PCSK2: variants seen among roughly 807,000 people sequenced by gnomAD.
The protein encoded by PCSK2 is neuroendocrine convertase 2.
A neutral mutation model predicts 69.7 loss-of-function variants in PCSK2; 14 were observed. That is an observed-to-expected ratio of 0.20 (90% CI 0.13 to 0.31). PCSK2 has a LOEUF of 0.31. Among genes scored for constraint, PCSK2 ranks in the 10% least tolerant of loss-of-function variants. The probability of loss-of-function intolerance (pLI) is 1.00; values close to 1 mark genes in which losing one functional copy is unlikely to be tolerated. For missense variants in PCSK2, 544 were observed against 842.5 expected (o/e 0.65, Z 4.39); for synonymous variants, 307 against 320.7 (o/e 0.96, Z 0.46).
intron 10 of PCSK2, among the ~76,000 whole-genome samples, chr20:17,462,039 A>G (rs1299427720): frequency 6.6e-6 from 1 of 152,170 alleles, no homozygotes; most frequent in Non-Finnish European, 1.5e-5. Flanking sequence ...TTTCCTGATG[A>G]TCAGAATCCT....
intron 4 of PCSK2, among the ~76,000 whole-genome samples, chr20:17,366,162 G>A (rs6080661): frequency 0.18 from 26,628 of 152,120 alleles, 3,302 homozygotes; most frequent in East Asian, 0.51. Context: ...GACATGCTAC[G>A]CATCTCAAGT....
chr20:17,254,102 C>A (rs1053676874), intron 1 of PCSK2, among the ~76,000 whole-genome samples: 1 of 152,034 alleles, frequency 6.6e-6, no homozygotes, highest in Admixed American at 6.6e-5. Context: ...TAAAACATTC[C>A]TGTGCGAGAT....
At chr20:17,260,954 T>A (rs185364986) in intron 2 of PCSK2, among the ~76,000 whole-genome samples, 29 of 152,312 alleles carry the variant, frequency 1.9e-4, no homozygotes, top group Non-Finnish European at 3.7e-4. Context: ...CTTCAGTCTT[T>A]ACCTTGCTCT....
At chr20:17,294,423 G>A (rs1988819930) in intron 2 of PCSK2, among the ~76,000 whole-genome samples, 1 of 152,138 alleles carries the variant, frequency 6.6e-6, no homozygotes, top group South Asian at 2.1e-4. Context: ...CTCATTTTAA[G>A]GCCTGCGTAT....
At chr20:17,370,824 A>T (rs1265343867) in intron 5 of PCSK2, among the ~76,000 whole-genome samples, 1 of 152,036 alleles carries the variant, frequency 6.6e-6, no homozygotes, top group African/African-American at 2.4e-5. Flanking sequence ...GGCCCTGGAG[A>T]TGTGTCAGGC....
chr20:17,246,579 A>T (rs1322856613), intron 1 of PCSK2, among the ~76,000 whole-genome samples: 1 of 152,198 alleles, frequency 6.6e-6, no homozygotes, highest in Non-Finnish European at 1.5e-5. Context: ...TAACAGTGGA[A>T]TAGTAAATGC....
chr20:17,428,768 A>G (rs1467044719), intron 6 of PCSK2, among the ~76,000 whole-genome samples: 1 of 151,956 alleles, frequency 6.6e-6, no homozygotes, highest in Non-Finnish European at 1.5e-5. Context: ...GGAGGCTTAG[A>G]TGGGAAGATC....
chr20:17,253,330 A>G (rs1987061730), intron 1 of PCSK2, among the ~76,000 whole-genome samples: 1 of 152,186 alleles, frequency 6.6e-6, no homozygotes, highest in Non-Finnish European at 1.5e-5. Context: ...TACCACCCTT[A>G]AAATAAATCC....
chr20:17,334,856 G>C (rs1002209839), intron 2 of PCSK2, among the ~76,000 whole-genome samples: 1 of 152,148 alleles, frequency 6.6e-6, no homozygotes, highest in Non-Finnish European at 1.5e-5. Flanking sequence ...AGTCATGTTG[G>C]GTTTCCCCTG....
At chr20:17,395,391 T>A (rs561361465) in intron 5 of PCSK2, among the ~76,000 whole-genome samples, 1 of 152,316 alleles carries the variant, frequency 6.6e-6, no homozygotes, top group African/African-American at 2.4e-5. Context: ...TGTGCTGGGA[T>A]AAGCAAGGTG....
intron 1 of PCSK2, among the ~76,000 whole-genome samples, chr20:17,233,535 T>C (rs1986222007): frequency 6.6e-6 from 1 of 152,154 alleles, no homozygotes; most frequent in Non-Finnish European, 1.5e-5. Context: ...TAATTCATTA[T>C]AGACCATGGT....
At chr20:17,335,071 A>G (rs1377724115) in intron 2 of PCSK2, among the ~76,000 whole-genome samples, 1 of 152,204 alleles carries the variant, frequency 6.6e-6, no homozygotes, top group Non-Finnish European at 1.5e-5. Context: ...ATTACCCCAG[A>G]GCCTAGAGAA....
chr20:17,481,533 T>G (rs753299546), intron 11 of PCSK2, 51 bp from the exon 12 acceptor site: 1 of 1,567,938 alleles, frequency 6.4e-7, no homozygotes, highest in Non-Finnish European at 8.7e-7. Flanking sequence ...AAATCCCTTG[T>G]AAGGTGCACC....
chr20:17,226,430 T>C (rs142608132), upstream of PCSK2: 1,114 of 152,174 alleles, frequency 7.3e-3, 4 homozygotes, highest in East Asian at 0.012. Context: ...TCCCCGGGGA[T>C]TTGCCCAAAG....
chr20:17,454,849 G>A (rs573193034), intron 9 of PCSK2, among the ~76,000 whole-genome samples: 4 of 152,282 alleles, frequency 2.6e-5, no homozygotes, highest in East Asian at 1.9e-4. Flanking sequence ...ACGCTCCCAC[G>A]TGGGATCCCA....
intron 2 of PCSK2, among the ~76,000 whole-genome samples, chr20:17,310,205 C>T (rs1782384974): frequency 6.6e-6 from 1 of 152,088 alleles, no homozygotes; most frequent in African/African-American, 2.4e-5. Flanking sequence ...TCATTCCAAC[C>T]ACCACACTGT....
intron 1 of PCSK2, among the ~76,000 whole-genome samples, chr20:17,240,671 G>C (rs1986536138): frequency 6.6e-6 from 1 of 152,196 alleles, no homozygotes; most frequent in Non-Finnish European, 1.5e-5. Flanking sequence ...GAGTGAGGCT[G>C]TATGTCAGAT....
chr20:17,407,294 C>T (rs574526667), intron 5 of PCSK2, among the ~76,000 whole-genome samples: 6 of 152,238 alleles, frequency 3.9e-5, no homozygotes, highest in East Asian at 1.9e-4. Context: ...CTCAGGGGCC[C>T]GCTGAGTGGC....
At chr20:17,293,208 A>T (rs1471406218) in intron 2 of PCSK2, among the ~76,000 whole-genome samples, 1 of 152,202 alleles carries the variant, frequency 6.6e-6, no homozygotes, top group Non-Finnish European at 1.5e-5. Flanking sequence ...AGCTTGCTGA[A>T]CTCTTATTAA....
Sources: allele counts gnomAD v4.1 joint callset (sites outside exome capture counted in the v4.1 genomes callset), GRCh38; gene constraint gnomAD v4.1.1; transcripts MANE v1.5; gene names NCBI Gene and HGNC (gene_info 2026-07-23, HGNC 2026-07-21).